Variants in ASTN2 observed in about 807,000 individuals in gnomAD.
ASTN2 encodes astrotactin 2.
In ASTN2, 54 loss-of-function variants were observed where a neutral mutation model predicts 139.8. The observed-to-expected ratio is 0.39, with a 90% CI of 0.31 to 0.48. The LOEUF (loss-of-function observed/expected upper bound fraction) is 0.48, where lower values mean the gene tolerates loss of function less well. ASTN2 is among the 20% of genes least tolerant of loss of function. The probability of loss-of-function intolerance (pLI) is 0.95; values close to 1 mark genes in which losing one functional copy is unlikely to be tolerated. For missense variants in ASTN2, 1,565 were observed against 1,725.1 expected (o/e 0.91, Z 1.64); for synonymous variants, 756 against 719.5 (o/e 1.05, Z -0.81).
At chr9:116,921,063 A>G (rs1834591087) in intron 10 of ASTN2, among the ~76,000 whole-genome samples, 1 of 152,226 alleles carries the variant, frequency 6.6e-6, no homozygotes, top group Non-Finnish European at 1.5e-5. Flanking sequence ...GGGAGGCCTC[A>G]GGGAGTTTCT....
intron 13 of ASTN2, among the ~76,000 whole-genome samples, chr9:116,742,376 C>T (rs1251376334): frequency 2.0e-5 from 3 of 152,142 alleles, no homozygotes; most frequent in African/African-American, 7.2e-5. Context: ...TTCTTTCTGC[C>T]ACTGATGCTG....
chr9:116,615,318 G>A (rs1045347038), intron 19 of ASTN2, among the ~76,000 whole-genome samples: 17 of 152,148 alleles, frequency 1.1e-4, no homozygotes, highest in Middle Eastern at 3.2e-3. Flanking sequence ...ACAGTGTGGC[G>A]ATTCCTCAAG....
chr9:117,036,142 G>A (rs1588499742), intron 6 of ASTN2, among the ~76,000 whole-genome samples: 1 of 152,022 alleles, frequency 6.6e-6, no homozygotes, highest in African/African-American at 2.4e-5. Flanking sequence ...TAGCTAACTT[G>A]ACTCTTCTAT....
intron 13 of ASTN2, among the ~76,000 whole-genome samples, chr9:116,761,803 A>G (rs114940752): frequency 6.5e-4 from 99 of 152,230 alleles, no homozygotes; most frequent in African/African-American, 2.2e-3. Flanking sequence ...CAGGGGAGTG[A>G]TCTAATGAGA....
intron 19 of ASTN2, among the ~76,000 whole-genome samples, chr9:116,508,921 C>T (rs1158353721): frequency 6.6e-6 from 1 of 152,180 alleles, no homozygotes; most frequent in African/African-American, 2.4e-5. Flanking sequence ...ACAGGTGTCA[C>T]CATCCAGGTG....
At chr9:116,650,688 C>A (rs1488081018) in intron 17 of ASTN2, among the ~76,000 whole-genome samples, 1 of 152,170 alleles carries the variant, frequency 6.6e-6, no homozygotes, top group African/African-American at 2.4e-5. Context: ...CATGTCTTCT[C>A]CTAGGCACAC....
intron 16 of ASTN2, among the ~76,000 whole-genome samples, chr9:116,717,432 T>C (rs571263563): frequency 1.3e-5 from 2 of 152,288 alleles, no homozygotes; most frequent in South Asian, 4.1e-4. Context: ...TGGCGTGCTG[T>C]AGACTAGTGA....
chr9:116,533,796 C>A (rs1270336636), intron 19 of ASTN2, among the ~76,000 whole-genome samples: 1 of 152,166 alleles, frequency 6.6e-6, no homozygotes, highest in East Asian at 1.9e-4. Flanking sequence ...CATCGATGTT[C>A]ATCAGGGATA....
At chr9:117,312,399 C>T (rs1199197706) in intron 1 of ASTN2, among the ~76,000 whole-genome samples, 1 of 152,164 alleles carries the variant, frequency 6.6e-6, no homozygotes, top group African/African-American at 2.4e-5. Flanking sequence ...AGGCTTCAGG[C>T]TCAAATCCCA....
At chr9:116,828,661 C>T (rs970914712) in intron 11 of ASTN2, among the ~76,000 whole-genome samples, 1 of 152,124 alleles carries the variant, frequency 6.6e-6, no homozygotes, top group African/African-American at 2.4e-5. Flanking sequence ...CAAAGACATC[C>T]CCTTTCAACA....
At chr9:117,284,908 G>A (rs557342338) in intron 2 of ASTN2, among the ~76,000 whole-genome samples, 23 of 152,316 alleles carry the variant, frequency 1.5e-4, no homozygotes, top group African/African-American at 5.3e-4. Flanking sequence ...GGTCTTACAA[G>A]TTAGTTATAC....
rs1280094848 is a variant in ASTN2 at position 116,820,797 on chromosome 9, G to A, written c.2041-14C>T. The A allele has an allele frequency of 6.2e-7, 1 of 1,606,992 alleles. No homozygotes were observed. The highest frequency in any genetic ancestry group is 1.7e-5 in the Admixed American group (1 of 59,582). ...CTCCTCAGGGCACTGCTCAGAGAGAGGGCAACAGGGTAGTTATGGCTTGGG... is the reference window on the plus strand; with the variant it reads ...CTCCTCAGGGCACTGCTCAGAGAGAAGGCAACAGGGTAGTTATGGCTTGGG... On this transcript the variant is annotated splice_polypyrimidine_tract_variant and intron_variant, in intron 11 of 22. Transcript: ENST00000313400.
chr9:117,204,871 C>A (rs187215129), intron 3 of ASTN2, among the ~76,000 whole-genome samples: 198 of 151,954 alleles, frequency 1.3e-3, no homozygotes, highest in African/African-American at 4.5e-3. Flanking sequence ...ATGTTTTCTG[C>A]CTTATCTAAG....
At chr9:117,366,775 C>G (rs1350108672) in intron 1 of ASTN2, among the ~76,000 whole-genome samples, 1 of 151,968 alleles carries the variant, frequency 6.6e-6, no homozygotes, top group Non-Finnish European at 1.5e-5. Flanking sequence ...TCTACTTCAT[C>G]TTCTCTTTTT....
rs750757521 is a variant in ASTN2, at chr9:116,976,686, C to T, written c.1676+15G>A. The T allele has an allele frequency of 7.4e-6, 12 of 1,613,354 alleles. No homozygotes were observed. Among genetic ancestry groups the T allele is most frequent in the South Asian group, 3.3e-5 (3 of 91,044 alleles). On this transcript the variant is annotated intron_variant, in intron 8 of 22. Transcript: ENST00000313400. ...GTCCTGCACTGTCCTGGACCTGATG[C>T]CCTTTGCCACTCACCCTTCACTCTG...
At chr9:116,917,908 G>T (rs551249882) in intron 10 of ASTN2, among the ~76,000 whole-genome samples, 9 of 152,248 alleles carry the variant, frequency 5.9e-5, no homozygotes, top group South Asian at 2.1e-4. Context: ...AACTTGAATT[G>T]TATCTCCTAG....
intron 22 of ASTN2, among the ~76,000 whole-genome samples, chr9:116,429,898 A>G (rs1490787135): frequency 6.6e-6 from 1 of 152,222 alleles, no homozygotes. Flanking sequence ...CACCTGAGCT[A>G]GTTCTTCAAT....
chr9:117,223,347 C>T (rs944893316), intron 2 of ASTN2, among the ~76,000 whole-genome samples: 4 of 152,084 alleles, frequency 2.6e-5, no homozygotes, highest in East Asian at 1.9e-4. Flanking sequence ...GTAAACATCT[C>T]GCATACACAG....
intron 11 of ASTN2, among the ~76,000 whole-genome samples, chr9:116,836,228 A>G (rs185295537): frequency 2.0e-5 from 3 of 151,662 alleles, no homozygotes; most frequent in East Asian, 3.9e-4. Flanking sequence ...AGGTGGCCCC[A>G]TGAATGCTGG....
Sources: gnomAD v4.1 joint callset for allele counts (sites outside exome capture counted in the v4.1 genomes callset) on GRCh38, gnomAD v4.1.1 for gene constraint, MANE v1.5 for transcripts, NCBI Gene and HGNC (gene_info 2026-07-23, HGNC 2026-07-21) for gene names.